Variants in RBFOX1 observed in about 807,000 individuals in gnomAD.
RBFOX1 encodes the protein RNA binding protein fox-1 homolog 1.
A neutral mutation model predicts 57.7 loss-of-function variants in RBFOX1; 8 were observed. That is an observed-to-expected ratio of 0.14 (90% CI 0.08 to 0.25). The LOEUF (loss-of-function observed/expected upper bound fraction) is 0.25, where lower values mean the gene tolerates loss of function less well. Among genes scored for constraint, RBFOX1 ranks in the 10% least tolerant of loss-of-function variants. RBFOX1 has a pLI of 1.00. For synonymous variants in RBFOX1, 326 were observed against 222.4 expected, an observed-to-expected ratio of 1.47 and a Z score of -4.15; for missense variants, 611 against 548.5, an observed-to-expected ratio of 1.11 and a Z score of -1.14.
chr16:6,900,287 G>A (rs1349376809), intron 3 of RBFOX1, among the ~76,000 whole-genome samples: 4 of 152,088 alleles, frequency 2.6e-5, no homozygotes, highest in African/African-American at 9.7e-5. Flanking sequence ...TTTCTCTGTA[G>A]TTCATCCACG....
intron 3 of RBFOX1, among the ~76,000 whole-genome samples, chr16:7,018,716 C>G (rs570857574): frequency 2.0e-5 from 3 of 151,980 alleles, no homozygotes; most frequent in Admixed American, 6.6e-5. Flanking sequence ...GTGCAGCACA[C>G]CAACATGGCA....
At chr16:5,687,022 G>A (rs556938253) in intron 3 of RBFOX1, among the ~76,000 whole-genome samples, 4 of 152,126 alleles carry the variant, frequency 2.6e-5, no homozygotes, top group Middle Eastern at 6.8e-3. Context: ...TGCTGCGTTG[G>A]GATCTATTGC....
intron 3 of RBFOX1, among the ~76,000 whole-genome samples, chr16:5,810,667 C>G (rs1276264982): frequency 2.0e-5 from 3 of 152,186 alleles, no homozygotes; most frequent in African/African-American, 7.2e-5. Flanking sequence ...TCTGCACAAT[C>G]AGAATTCAGG....
At chr16:5,620,812 G>C (rs35825183) in intron 3 of RBFOX1, among the ~76,000 whole-genome samples, 3 of 151,896 alleles carry the variant, frequency 2.0e-5, no homozygotes, top group African/African-American at 7.3e-5. Flanking sequence ...TTGAGTAGCC[G>C]GGACCACAGG....
chr16:5,872,950 A>G (rs1250347450), intron 4 of RBFOX1, among the ~76,000 whole-genome samples: 3 of 152,102 alleles, frequency 2.0e-5, no homozygotes, highest in East Asian at 3.9e-4. Flanking sequence ...CAAGAGATCC[A>G]GACCATTCTG....
At chr16:5,824,176 T>C (rs570312747) in intron 3 of RBFOX1, among the ~76,000 whole-genome samples, 3 of 152,322 alleles carry the variant, frequency 2.0e-5, no homozygotes, top group East Asian at 3.9e-4. Flanking sequence ...ATCAGAATGA[T>C]TAAATTAATT....
intron 4 of RBFOX1, among the ~76,000 whole-genome samples, chr16:7,217,896 ATG>A (rs979796670): frequency 3.9e-5 from 5 of 127,306 alleles, no homozygotes; most frequent in South Asian, 5.2e-4. Context: ...GTGCATGCGT[ATG>A]TGTGTGCATG....
At chr16:6,534,585 T>A (rs566632759) in intron 2 of RBFOX1, among the ~76,000 whole-genome samples, 1 of 152,156 alleles carries the variant, frequency 6.6e-6, no homozygotes, top group Non-Finnish European at 1.5e-5. Flanking sequence ...AAATGTTTAG[T>A]AAATATTGAT....
At chr16:7,438,683 C>T (rs1031267165) in intron 4 of RBFOX1, among the ~76,000 whole-genome samples, 2 of 152,188 alleles carry the variant, frequency 1.3e-5, no homozygotes, top group Non-Finnish European at 2.9e-5. Context: ...ACTCCTTTAA[C>T]GTGCTAAAGT....
chr16:7,220,810 G>C (rs952387945), intron 4 of RBFOX1, among the ~76,000 whole-genome samples: 1 of 152,004 alleles, frequency 6.6e-6, no homozygotes, highest in Non-Finnish European at 1.5e-5. Flanking sequence ...TAGGCATCTT[G>C]GTATTTCCAT....
chr16:6,084,438 C>G (rs2096057050), intron 1 of RBFOX1, among the ~76,000 whole-genome samples: 1 of 152,028 alleles, frequency 6.6e-6, no homozygotes, highest in African/African-American at 2.4e-5. Context: ...AAGACGGAGT[C>G]TCACCATGTT....
intron 3 of RBFOX1, among the ~76,000 whole-genome samples, chr16:6,886,311 C>T (rs1261944260): frequency 6.6e-6 from 1 of 152,024 alleles, no homozygotes; most frequent in Admixed American, 6.5e-5. Context: ...ATCTGCCCAC[C>T]TCGACCTCCC....
intron 1 of RBFOX1, among the ~76,000 whole-genome samples, chr16:6,164,531 A>G (rs375529254): frequency 1.4e-5 from 2 of 146,772 alleles, no homozygotes; most frequent in Non-Finnish European, 3.0e-5. Flanking sequence ...CAGTGGTGCT[A>G]TCTCGGCCCA....
At chr16:6,665,170 G>A (rs138721651) in intron 3 of RBFOX1, among the ~76,000 whole-genome samples, 16 of 152,294 alleles carry the variant, frequency 1.1e-4, no homozygotes, top group Non-Finnish European at 2.4e-4. Flanking sequence ...TGGAGAAAAG[G>A]CGCTTCTTTT....
chr16:5,858,090 C>T (rs1272413356), intron 3 of RBFOX1, among the ~76,000 whole-genome samples: 1 of 152,124 alleles, frequency 6.6e-6, no homozygotes, highest in Non-Finnish European at 1.5e-5. Flanking sequence ...GTCTGTATTT[C>T]CACATTGCCA....
At chr16:6,409,212 G>A (rs890773126) in intron 2 of RBFOX1, among the ~76,000 whole-genome samples, 2 of 152,118 alleles carry the variant, frequency 1.3e-5, no homozygotes, top group African/African-American at 4.8e-5. Flanking sequence ...TCAGGAGTTT[G>A]AGACCAGTCT....
rs547534677 is a variant in RBFOX1 at position 6,089,078 on chromosome 16, A to ATAT, written c.-127+69086_-127+69087insTAT. On this transcript the variant is annotated intron_variant, in intron 1 of 15. Transcript: ENST00000550418. ...GAAACTCTGTCTCAAAAAAAAAAAA[A>ATAT]ATATATATATATATATATGATCCTA... Among the ~76,000 whole-genome samples, 573 of 137,700 alleles carry ATAT rather than the reference A, an allele frequency of 4.2e-3. 8 individuals are homozygous for ATAT. Among genetic ancestry groups the ATAT allele is most frequent in the African/African-American group, 0.015 (549 of 36,812 alleles). 90.3% of individuals were successfully genotyped at this position (137,700 alleles called of 152,430 possible).
chr16:6,495,670 T>G (rs558966826), intron 2 of RBFOX1, among the ~76,000 whole-genome samples: 5 of 152,362 alleles, frequency 3.3e-5, no homozygotes, highest in East Asian at 3.9e-4. Context: ...ATGCCTCTTA[T>G]GGCTTTTGGA....
At chr16:7,194,125 A>G (rs951268626) in intron 4 of RBFOX1, among the ~76,000 whole-genome samples, 11 of 152,206 alleles carry the variant, frequency 7.2e-5, no homozygotes, top group African/African-American at 2.7e-4. Flanking sequence ...ATTCGTGTCA[A>G]TGAGAAAGTC....
Sources: gnomAD v4.1 joint callset for allele counts (sites outside exome capture counted in the v4.1 genomes callset) on GRCh38, gnomAD v4.1.1 for gene constraint, MANE v1.5 for transcripts, NCBI Gene and HGNC (gene_info 2026-07-23, HGNC 2026-07-21) for gene names.